Variants in PREX1 observed in about 807,000 individuals in gnomAD.
The protein encoded by PREX1 is phosphatidylinositol-3,4,5-trisphosphate dependent Rac exchange factor 1.
A neutral mutation model predicts 198.3 loss-of-function variants in PREX1; 41 were observed. The observed-to-expected ratio is 0.21, with a 90% CI of 0.16 to 0.27. The LOEUF (loss-of-function observed/expected upper bound fraction) is 0.27. Ranked by LOEUF, PREX1 falls within the 10% of genes least tolerant of loss-of-function variation. PREX1 has a pLI of 1.00. For missense variants in PREX1, 1,620 were observed against 2,200.7 expected (o/e 0.74, Z 5.28); for synonymous variants, 843 against 887.2 (o/e 0.95, Z 0.89).
chr20:48,877,561 G>A, the PREX1 span, among the ~76,000 whole-genome samples: 1 of 152,196 alleles, frequency 6.6e-6, no homozygotes, highest in East Asian at 1.9e-4. Flanking sequence ...ATCAGTGTGG[G>A]TCACATGCTG....
intron 1 of PREX1, among the ~76,000 whole-genome samples, chr20:48,813,546 C>G (rs116790384): frequency 0.012 from 1,773 of 152,234 alleles, 27 homozygotes; most frequent in African/African-American, 0.041. Flanking sequence ...TGTGGTTACA[C>G]AAGAGAACGT....
intron 1 of PREX1, among the ~76,000 whole-genome samples, chr20:48,781,140 T>C (rs1313176377): frequency 6.6e-6 from 1 of 152,166 alleles, no homozygotes; most frequent in African/African-American, 2.4e-5. Context: ...CCATGCTATC[T>C]AAATGCAACA....
Position 48,667,000 on chromosome 20 carries a change from T to G in PREX1, c.1666-645A>C, listed in dbSNP as rs1487543847. Among the ~76,000 whole-genome samples the G allele has an allele frequency of 6.6e-6, 1 of 152,158 alleles. No individual in the cohort carries two copies. The highest frequency in any genetic ancestry group is 6.5e-5 in the Admixed American group (1 of 15,276). On this transcript the variant is annotated intron_variant, in intron 14 of 39. Transcript: ENST00000371941. The surrounding 1 kb of genome is among the most constrained non-coding windows in gnomAD (Gnocchi z 4.3). ...ATCCATCTCCAGCCTCCCTTGCAGC[T>G]ACAGGTGGCCAATGAGCTATAAGCA...
intron 1 of PREX1, among the ~76,000 whole-genome samples, chr20:48,789,580 C>G (rs2122963089): frequency 6.6e-6 from 1 of 152,298 alleles, no homozygotes; most frequent in East Asian, 1.9e-4. Flanking sequence ...TCAGCCAGCC[C>G]CCACGCAGCC....
chr20:48,872,875 G>A, the PREX1 span, among the ~76,000 whole-genome samples: 1 of 152,242 alleles, frequency 6.6e-6, no homozygotes, highest in African/African-American at 2.4e-5. Flanking sequence ...CCTTTCAGGA[G>A]GGTAAGAGGA....
Position 48,692,709 on chromosome 20 carries a change from A to G in PREX1, c.999T>C (p.Thr333=). 6.2e-7 allele frequency: 1 copy of G among 1,614,076 alleles called. No individual in the cohort carries two copies. Among genetic ancestry groups the G allele is most frequent in the African/African-American group, 1.3e-5 (1 of 75,018 alleles). ...CCACATTCTCCACCTCCATGACTTC[A>G]GTGTTGATTCGACCCCTGAAGATGT... The part of the protein sequence containing the change: ...SLYIFRGRIN[T]EVMEVENVED... The change falls in exon 8 of 40, where the codon ACT becomes ACC. Residue 333 remains threonine (T), a synonymous_variant. Coordinates refer to ENST00000371941, the MANE Select transcript of PREX1 (RefSeq NM_020820.4).
chr20:48,660,104 GA>G lies in PREX1; in HGVS notation c.1739-44del, dbSNP rs2089579201. The G allele has an allele frequency of 1.9e-6, 3 of 1,605,602 alleles. No homozygotes were observed. The South Asian group carries it at 3.3e-5, about 18-fold the overall frequency. On this transcript the variant is annotated intron_variant, in intron 15 of 39. Transcript: ENST00000371941. ...TGCACTCAGTGGTCAGATTCACAGG[GA>G]AAGTTTCAGCCATGTTTGCCAACTG...
In PREX1 at chr20:48,650,027, T is replaced by G. The variant is rs1015559941; in HGVS notation, c.2997A>C (p.Lys999Asn). 1 of 1,614,066 alleles carries G rather than the reference T, an allele frequency of 6.2e-7. No individual in the cohort carries two copies. The highest frequency in any genetic ancestry group is 1.3e-5 in the African/African-American group (1 of 75,004). The change falls in exon 24 of 40, where the codon AAA becomes AAC. Residue 999 changes from lysine (K) to asparagine (N), a missense_variant. By Grantham distance (94) the Lys-to-Asn change is moderately conservative (BLOSUM62 0). This residue lies in a region of PREX1 where 514 missense variants were observed against 611.6 expected (regional missense o/e 0.84). Coordinates refer to ENST00000371941, the MANE Select transcript of PREX1 (RefSeq NM_020820.4). ...CCGGGTCAAGGCCGATGAGGGAGGGTTTGCGTCCAAAGCGGATGCTGAAGG... is the reference window on the plus strand; with the variant it reads ...CCGGGTCAAGGCCGATGAGGGAGGGGTTGCGTCCAAAGCGGATGCTGAAGG... ...GRSFSIRFGR[K>N]PSLIGLDPEQ... is the part of the protein sequence containing the mutation.
At chr20:48,807,106 A>G (rs1236188494) in intron 1 of PREX1, among the ~76,000 whole-genome samples, 2 of 152,250 alleles carry the variant, frequency 1.3e-5, no homozygotes, top group African/African-American at 4.8e-5. Context: ...AATTATTGTT[A>G]GTCTATATTA....
At chr20:48,742,146 G>A (rs895241746) in intron 3 of PREX1, among the ~76,000 whole-genome samples, 6 of 152,152 alleles carry the variant, frequency 3.9e-5, no homozygotes, top group Non-Finnish European at 8.8e-5. Flanking sequence ...TGGAAGGACG[G>A]GAGCCCTGCT....
chr20:48,749,037 G>A (rs1344745543), intron 1 of PREX1, among the ~76,000 whole-genome samples: 1 of 152,102 alleles, frequency 6.6e-6, no homozygotes, highest in East Asian at 1.9e-4. Context: ...GTAGAAAAGT[G>A]GCAGAAAGAA....
rs150055847 is a variant in PREX1 at position 48,682,699 on chromosome 20, C to T, written c.1335-1364G>A. 7.9e-3 allele frequency among the ~76,000 whole-genome samples: 1,205 copies of T among 152,256 alleles called. 10 individuals are homozygous for T. Among genetic ancestry groups the T allele is most frequent in the South Asian group, 0.034 (162 of 4,814 alleles). On this transcript the variant is annotated intron_variant, in intron 10 of 39. Transcript: ENST00000371941. ...ACTGCCCGGTGGTGAGAGGCTCAGCCGGGGCCCCAGGTCCTAGTTCTTGCG... is the reference window on the plus strand; with the variant it reads ...ACTGCCCGGTGGTGAGAGGCTCAGCTGGGGCCCCAGGTCCTAGTTCTTGCG...
intron 1 of PREX1, among the ~76,000 whole-genome samples, chr20:48,820,278 A>T (rs2090478773): frequency 6.6e-6 from 1 of 152,184 alleles, no homozygotes; most frequent in African/African-American, 2.4e-5. Context: ...AGGAGGGGTG[A>T]GCCCGCACAC....
intron 15 of PREX1, among the ~76,000 whole-genome samples, chr20:48,664,419 T>C (rs542510955): frequency 6.7e-6 from 1 of 149,082 alleles, no homozygotes; most frequent in Admixed American, 6.7e-5. Flanking sequence ...AGCAGAGTGA[T>C]GACGGGGAGG....
chr20:48,715,349 T>A (rs2123104194), intron 5 of PREX1, among the ~76,000 whole-genome samples: 1 of 152,292 alleles, frequency 6.6e-6, no homozygotes, highest in South Asian at 2.1e-4. Context: ...AGGGCTACCT[T>A]GTAAGGTAGT....
At chr20:48,753,221 T>G (rs949629526) in intron 1 of PREX1, among the ~76,000 whole-genome samples, 8 of 152,078 alleles carry the variant, frequency 5.3e-5, no homozygotes, top group African/African-American at 1.9e-4. Flanking sequence ...GATGATGAGT[T>G]TGCCATCTCC....
In PREX1 at chr20:48,637,625, G is replaced by A. The variant is rs368858346; in HGVS notation, c.3946+86C>T. 231 of 1,335,226 alleles carry A rather than the reference G, an allele frequency of 1.7e-4. 3 individuals carry two copies. In the South Asian group the frequency reaches 2.8e-3, roughly 16 times the overall value. The allele number at this position is 1,335,226 out of a possible 1,614,324, so 82.7% of individuals were successfully genotyped here. On this transcript the variant is annotated intron_variant, in intron 31 of 39. Transcript: ENST00000371941. ...CCAGGCCAAAGCGTTGCCTCCCCCCGTCCAGGCCCCGAGGGCATGGATGGT... is the reference window on the plus strand; with the variant it reads ...CCAGGCCAAAGCGTTGCCTCCCCCCATCCAGGCCCCGAGGGCATGGATGGT...
chr20:48,651,533 G>A lies in PREX1; in HGVS notation c.2518C>T (p.Pro840Ser). 1.2e-6 allele frequency: 2 copies of A among 1,614,210 alleles called. No homozygotes were observed. Among genetic ancestry groups the A allele is most frequent in the Non-Finnish European group, 1.7e-6 (2 of 1,180,032 alleles). ...GPRLSLCEDS[P>S]MVTLTVDNVH... ...TTGTCCACAGTCAGGGTGACCATGG[G>A]GCTGTCCTCACACAGGCTCAGCCGG... is the stretch of plus-strand genomic sequence containing the variant. Residue 840 changes from proline (P) to serine (S), a missense_variant, in exon 22 of 40, where the codon CCC becomes TCC. Pro to Ser is a moderately conservative substitution (Grantham distance 74). Transcript: ENST00000371941.
chr20:48,650,297 G>A (rs2089484242), intron 23 of PREX1, 91 bp from the exon 24 acceptor site: 3 of 1,283,324 alleles, frequency 2.3e-6, no homozygotes, highest in Non-Finnish European at 3.3e-6. Flanking sequence ...CCTGGCCTAG[G>A]CCAGATGCCC....
Sources: gnomAD v4.1 joint callset for allele counts (sites outside exome capture counted in the v4.1 genomes callset) on GRCh38, gnomAD v4.1.1 for gene constraint, gnomAD v4.1.1 regional missense constraint, Gnocchi (gnomAD v3.1) non-coding constraint, MANE v1.5 for transcripts, NCBI Gene and HGNC (gene_info 2026-07-23, HGNC 2026-07-21) for gene names.